The following ZNF597 variants were observed in gnomAD, a reference collection of about 807,000 sequenced individuals.
ZNF597 encodes zinc finger protein 597.
ZNF597 carries 5 observed loss-of-function variants against 7.3 expected under a neutral mutation model. The ratio of observed to expected loss-of-function variants is 0.68; its 90% CI spans 0.36 to 1.44. ZNF597 has a LOEUF of 1.44. Ranked by LOEUF, ZNF597 falls within the 40% of genes most tolerant of loss-of-function variation. The pLI, the probability that ZNF597 is intolerant of heterozygous loss-of-function variation, is 0.04. For missense variants in ZNF597, 585 were observed against 517.9 expected, an observed-to-expected ratio of 1.13 and a Z score of -1.26; for synonymous variants, 209 against 185.4, an observed-to-expected ratio of 1.13 and a Z score of -1.04.
At position 3,436,335 on chromosome 16, in the gene ZNF597, G is replaced by T; in HGVS notation, c.*89C>A. The T allele has an allele frequency of 8.0e-7, 1 of 1,255,404 alleles. No homozygotes were observed. Among genetic ancestry groups the T allele is most frequent in the Non-Finnish European group, 1.1e-6 (1 of 906,084 alleles). The allele number at this position is 1,255,404 out of a possible 1,614,324, so 77.8% of individuals were successfully genotyped here. On this transcript the variant is annotated 3_prime_UTR_variant, in exon 4 of 4. Coordinates refer to ENST00000301744, the MANE Select transcript of ZNF597 (RefSeq NM_152457.3). The stretch of plus-strand genomic sequence containing the variant: ...CATGGGAATGTGTGTAAAGTGCTTA[G>T]CACATTGCCTGGGACATATACAGTA...
At position 3,436,513 on chromosome 16, in the gene ZNF597, G is replaced by C; in HGVS notation, c.1186C>G (p.Pro396Ala). The part of the protein sequence containing the change: ...CHQKSHMLAE[P>A]FKCTVCGKTF... ...TTCCCACACACGGTACATTTAAAAG[G>C]TTCCGCTAGCATGTGGCTCTTCTGG... The change falls in exon 4 of 4, where the codon CCT (proline) becomes GCT (alanine). Residue 396 changes from proline to alanine, a missense_variant. Transcript: ENST00000301744. The C allele has an allele frequency of 6.2e-7, 1 of 1,614,176 alleles. No homozygotes were observed. The highest frequency in any genetic ancestry group is 8.5e-7 in the Non-Finnish European group (1 of 1,180,032).
At chr16:3,442,150 T>A (rs1158327159) in intron 2 of ZNF597, among the ~76,000 whole-genome samples, 2 of 152,202 alleles carry the variant, frequency 1.3e-5, no homozygotes, top group Non-Finnish European at 2.9e-5. Flanking sequence ...CTACCCCACC[T>A]TCTCTAACGG....
In ZNF597 at chr16:3,443,186, C is replaced by T. The variant is rs763618274; in HGVS notation, c.-33G>A. On this transcript the variant is annotated 5_prime_UTR_variant, in exon 2 of 4. Coordinates refer to ENST00000301744, the MANE Select transcript of ZNF597 (RefSeq NM_152457.3). ...GTGGGGAATGCCTTCTTCAAGACGC[C>T]ACAGGGACTTCGTGACAAAGCTGCG... 2 of 1,605,794 alleles carry T rather than the reference C, an allele frequency of 1.2e-6. No homozygotes were observed. The highest frequency in any genetic ancestry group is 2.2e-5 in the East Asian group (1 of 44,678).
chr16:3,441,634 C>T (rs1030254062), intron 2 of ZNF597, among the ~76,000 whole-genome samples: 2 of 151,908 alleles, frequency 1.3e-5, no homozygotes, highest in Non-Finnish European at 2.9e-5. Context: ...TGCAGTAAGC[C>T]GAGATTGCAC....
chr16:3,441,554 C>T (rs1406389117), intron 2 of ZNF597, among the ~76,000 whole-genome samples: 3 of 152,078 alleles, frequency 2.0e-5, no homozygotes, highest in African/African-American at 7.2e-5. Flanking sequence ...GGTGTGGTGG[C>T]GCATGCCTAT....
rs1317570894 is a variant in ZNF597 at position 3,433,343 on chromosome 16, A to C, written c.*3081T>G. ...CGACTGTTTAAAAGACTGTTTAACT[A>C]TTCCAGCAATCATGTTAAGGAACTG... On this transcript the variant is annotated 3_prime_UTR_variant, in exon 4 of 4. Coordinates refer to ENST00000301744, the MANE Select transcript of ZNF597 (RefSeq NM_152457.3). The C allele has an allele frequency of 6.6e-6, 1 of 152,254 alleles. No individual in the cohort carries two copies. Among genetic ancestry groups the C allele is most frequent in the Non-Finnish European group, 1.5e-5 (1 of 68,044 alleles). The allele number at this position is 152,254 out of a possible 1,614,324, so 9.4% of individuals were successfully genotyped here.
rs779436736 is a variant in ZNF597, at chr16:3,436,828, C to A, written c.871G>T (p.Val291Leu). The A allele has an allele frequency of 3.1e-6, 5 of 1,613,804 alleles. No individual in the cohort carries two copies. The South Asian group carries it at 3.3e-5, about 11-fold the overall frequency. The change falls in exon 4 of 4, where the codon GTA (valine) becomes TTA (leucine). Residue 291 changes from valine to leucine, a missense_variant. Coordinates refer to ENST00000301744, the MANE Select transcript of ZNF597 (RefSeq NM_152457.3). ...GTGTGCTGGTACTGGGGGCCTGATA[C>A]GAATGTTTCCTCAGGCAAAGCAAGA... is the stretch of plus-strand genomic sequence containing the variant. ...PNLALPEETF[V>L]SGPQYQHTKC...
intron 3 of ZNF597, among the ~76,000 whole-genome samples, chr16:3,439,857 T>G (rs8061444): frequency 6.6e-6 from 1 of 151,830 alleles, no homozygotes; most frequent in Non-Finnish European, 1.5e-5. Flanking sequence ...AGAAATGACA[T>G]CAATGTTAAA....
chr16:3,432,929 A>G lies in ZNF597; in HGVS notation c.*3495T>C, dbSNP rs957463648. 6.6e-6 allele frequency: 1 copy of G among 152,388 alleles called. No individual in the cohort carries two copies. Among genetic ancestry groups the G allele is most frequent in the African/African-American group, 2.4e-5 (1 of 41,594 alleles). The allele number at this position is 152,388 out of a possible 1,614,324, so 9.4% of individuals were successfully genotyped here. ...TCAAAATAGACTATTCATATAAACT[A>G]TAACCTGCTATGTCTCCCTTTGTAC... On this transcript the variant is annotated 3_prime_UTR_variant, in exon 4 of 4. Coordinates refer to ENST00000301744, the MANE Select transcript of ZNF597 (RefSeq NM_152457.3).
chr16:3,442,492 G>A (rs1262905650), intron 2 of ZNF597, among the ~76,000 whole-genome samples: 1 of 152,000 alleles, frequency 6.6e-6, no homozygotes, highest in African/African-American at 2.4e-5. Flanking sequence ...TGGCTAACAC[G>A]GTGAAACCCC....
rs1043010187 is a variant in ZNF597 at position 3,435,499 on chromosome 16, T to C, written c.*925A>G. On this transcript the variant is annotated 3_prime_UTR_variant, in exon 4 of 4. Transcript: ENST00000301744. The stretch of plus-strand genomic sequence containing the variant: ...GTCAGTTTCACCACAATGTGATTTG[T>C]GTGCTGGGCAAAGAACTGACTTTAC... 1.3e-5 allele frequency: 2 copies of C among 152,218 alleles called. No individual in the cohort carries two copies. Among genetic ancestry groups the C allele is most frequent in the Non-Finnish European group, 2.9e-5 (2 of 68,046 alleles). The allele number at this position is 152,218 out of a possible 1,614,324, so 9.4% of individuals were successfully genotyped here. A position where few individuals can be genotyped will look rare whatever the true frequency, so the allele number is the denominator to read the frequency against.
Position 3,435,995 on chromosome 16 carries a change from A to C in ZNF597, c.*429T>G, listed in dbSNP as rs1291476505. On this transcript the variant is annotated 3_prime_UTR_variant, in exon 4 of 4. Transcript: ENST00000301744. ...TTACATTCAAATAGTTATAGCAAAA[A>C]AAAGTATAAAACATATAAAAGCATT... The C allele has an allele frequency of 6.2e-6, 1 of 160,574 alleles. No homozygotes were observed. Among genetic ancestry groups the C allele is most frequent in the Admixed American group, 6.1e-5 (1 of 16,330 alleles). The allele number at this position is 160,574 out of a possible 1,614,324, so 9.9% of individuals were successfully genotyped here.
chr16:3,437,623 C>G (rs2034319470), intron 3 of ZNF597, 85 bp from the exon 4 acceptor site: 1 of 1,473,098 alleles, frequency 6.8e-7, no homozygotes, highest in African/African-American at 1.4e-5. Flanking sequence ...TAGTTACAAA[C>G]AGGACCAGGA....
rs371446986 is a variant in ZNF597 at position 3,437,458 on chromosome 16, G to C, written c.241C>G (p.Pro81Ala). 6.2e-7 allele frequency: 1 copy of C among 1,614,132 alleles called. No individual in the cohort carries two copies. The highest frequency in any genetic ancestry group is 8.5e-7 in the Non-Finnish European group (1 of 1,180,024). ...ELDELALEKY[P>A]IAAPLVPYPE... ...TAAGGGACAAGGGGTGCAGCAATGG[G>C]GTACTTTTCTAAGGCAAGCTCGTCA... Residue 81 changes from proline to alanine, a missense_variant, in exon 4 of 4, where the codon CCC becomes GCC. By Grantham distance (27) the Pro-to-Ala change is conservative. Coordinates refer to ENST00000301744, the MANE Select transcript of ZNF597 (RefSeq NM_152457.3).
chr16:3,443,479 T>C lies in ZNF597; in HGVS notation c.-173A>G, dbSNP rs1253105249. Reference sequence around the variant, plus strand: ...CAAAACTCCCACGCTCTCATGCTCCTTTACGCAGGAGCTGCGGGAAAAGCC... The same window carrying C: ...CAAAACTCCCACGCTCTCATGCTCCCTTACGCAGGAGCTGCGGGAAAAGCC... On this transcript the variant is annotated 5_prime_UTR_variant, in exon 1 of 4. Coordinates refer to ENST00000301744, the MANE Select transcript of ZNF597 (RefSeq NM_152457.3). 3 of 519,356 alleles carry C rather than the reference T, an allele frequency of 5.8e-6. No homozygotes were observed. The highest frequency in any genetic ancestry group is 6.7e-6 in the Non-Finnish European group (2 of 297,916). The allele number at this position is 519,356 out of a possible 1,614,324, so 32.2% of individuals were successfully genotyped here. A position where few individuals can be genotyped will look rare whatever the true frequency, so the allele number is the denominator to read the frequency against.
At position 3,443,122 on chromosome 16, in the gene ZNF597, T is replaced by C. The variant is rs1316979409; in HGVS notation, c.32A>G (p.Gln11Arg). 1 of 1,614,098 alleles carries C rather than the reference T, an allele frequency of 6.2e-7. No homozygotes were observed. The highest frequency in any genetic ancestry group is 2.2e-5 in the East Asian group (1 of 44,868). Residue 11 changes from glutamine (Q) to arginine (R), a missense_variant and splice_region_variant, in exon 2 of 4, where the codon CAG (glutamine) becomes CGG (arginine). Coordinates refer to ENST00000301744, the MANE Select transcript of ZNF597 (RefSeq NM_152457.3). MASMPPTPEA[Q>R]GPILFEDLAV... ...GACGAAAAAGGTACCTCGACTCACC[T>C]GGGCCTCGGGCGTCGGGGGCATGGA...
rs2034415334 is a variant in ZNF597, at chr16:3,443,058, G to T, written c.33+63C>A. The T allele has an allele frequency of 1.0e-5, 16 of 1,598,810 alleles. No individual in the cohort carries two copies. The South Asian group carries it at 1.5e-4, about 15-fold the overall frequency. Reference sequence around the variant, plus strand: ...AGGCATGCCCAACTCTCCTCCAAAGGAGGGGGTCAGGCAGAGACCGAAAGC... The same window carrying T: ...AGGCATGCCCAACTCTCCTCCAAAGTAGGGGGTCAGGCAGAGACCGAAAGC... On this transcript the variant is annotated intron_variant, in intron 2 of 3. Coordinates refer to ENST00000301744, the MANE Select transcript of ZNF597 (RefSeq NM_152457.3).
In ZNF597 at chr16:3,434,416, C is replaced by T. The variant is rs1196047366; in HGVS notation, c.*2008G>A. The stretch of plus-strand genomic sequence containing the variant: ...AATCTAACTGGAGACTATCTTTCTA[C>T]ACATTTCAAAGCACCTCAGAGAAAC... On this transcript the variant is annotated 3_prime_UTR_variant, in exon 4 of 4. Transcript: ENST00000301744. The T allele has an allele frequency of 6.6e-6, 1 of 152,230 alleles. No individual in the cohort carries two copies. Among genetic ancestry groups the T allele is most frequent in the Non-Finnish European group, 1.5e-5 (1 of 68,042 alleles). 9.4% of individuals were successfully genotyped at this position (152,230 alleles called of 1,614,324 possible). A position where few individuals can be genotyped will look rare whatever the true frequency, so the allele number is the denominator to read the frequency against.
At chr16:3,439,322 G>A (rs552417597) in intron 3 of ZNF597, among the ~76,000 whole-genome samples, 1 of 152,096 alleles carries the variant, frequency 6.6e-6, no homozygotes, top group Non-Finnish European at 1.5e-5. Flanking sequence ...GGTCAGGGCT[G>A]CAGTGAGCCG....
Sources: allele counts gnomAD v4.1 joint callset (sites outside exome capture counted in the v4.1 genomes callset), GRCh38; gene constraint gnomAD v4.1.1; transcripts MANE v1.5; gene names NCBI Gene and HGNC (gene_info 2026-07-23, HGNC 2026-07-21).